RCAN2: variants seen among roughly 807,000 people sequenced by gnomAD.
RCAN2 encodes calcipressin-2.
In RCAN2, 9 loss-of-function variants were observed where a neutral mutation model predicts 23.6. The observed-to-expected ratio is 0.38, with a 90% CI of 0.23 to 0.67. The LOEUF (loss-of-function observed/expected upper bound fraction) is 0.67. Ranked by LOEUF, RCAN2 falls within the 30% of genes least tolerant of loss-of-function variation. The pLI, the probability that RCAN2 is intolerant of heterozygous loss-of-function variation, is 0.51. For missense variants in RCAN2, 273 were observed against 302.3 expected, an observed-to-expected ratio of 0.90 and a Z score of 0.72; for synonymous variants, 109 against 115.7, an observed-to-expected ratio of 0.94 and a Z score of 0.37.
chr6:46,414,407 A>G (rs1766642019), intron 2 of RCAN2, among the ~76,000 whole-genome samples: 1 of 152,242 alleles, frequency 6.6e-6, no homozygotes, highest in Non-Finnish European at 1.5e-5. Context: ...AGGACTTCTT[A>G]GAAGTTGGGT....
chr6:46,451,515 T>C (rs1767883050), intron 2 of RCAN2, among the ~76,000 whole-genome samples: 1 of 152,160 alleles, frequency 6.6e-6, no homozygotes, highest in Admixed American at 6.6e-5. Flanking sequence ...GATAAGAGAT[T>C]GTGGACCGGC....
chr6:46,301,761 A>G (rs1328841419), intron 2 of RCAN2, among the ~76,000 whole-genome samples: 1 of 152,098 alleles, frequency 6.6e-6, no homozygotes, highest in African/African-American at 2.4e-5. Flanking sequence ...AACCAACCAC[A>G]TAGAAAATTA....
intron 2 of RCAN2, among the ~76,000 whole-genome samples, chr6:46,288,925 C>A (rs919355685): frequency 6.6e-6 from 1 of 152,264 alleles, no homozygotes; most frequent in Non-Finnish European, 1.5e-5. Context: ...GATGTAAATG[C>A]AACATCAAGC....
intron 2 of RCAN2, among the ~76,000 whole-genome samples, chr6:46,253,071 A>T (rs935138943): frequency 1.3e-5 from 2 of 152,214 alleles, no homozygotes; most frequent in Non-Finnish European, 2.9e-5. Context: ...TTTAGACAAT[A>T]TTGGTTCCCT....
chr6:46,247,978 A>G (rs1438499883), intron 3 of RCAN2, among the ~76,000 whole-genome samples: 1 of 152,216 alleles, frequency 6.6e-6, no homozygotes, highest in African/African-American at 2.4e-5. Context: ...CAATGATGGA[A>G]TTTGAACATG....
At chr6:46,408,615 G>A (rs1254158232) in intron 2 of RCAN2, among the ~76,000 whole-genome samples, 1 of 152,076 alleles carries the variant, frequency 6.6e-6, no homozygotes, top group Non-Finnish European at 1.5e-5. Flanking sequence ...CACCCAAACG[G>A]AGCAAAGCTG....
At chr6:46,349,880 A>G (rs1764593362) in intron 2 of RCAN2, among the ~76,000 whole-genome samples, 1 of 152,120 alleles carries the variant, frequency 6.6e-6, no homozygotes, top group South Asian at 2.1e-4. Context: ...AAGCCAATCA[A>G]TTCATATCAT....
intron 2 of RCAN2, among the ~76,000 whole-genome samples, chr6:46,317,993 G>A (rs1763495474): frequency 6.6e-6 from 1 of 152,178 alleles, no homozygotes; most frequent in African/African-American, 2.4e-5. Context: ...GTAGTTAGAA[G>A]AATTTTGTGA....
chr6:46,365,416 C>T (rs988409353), intron 2 of RCAN2, among the ~76,000 whole-genome samples: 2 of 149,766 alleles, frequency 1.3e-5, no homozygotes, highest in African/African-American at 2.5e-5. Context: ...GTGGAGTTTG[C>T]GGTGAGCCGA....
chr6:46,288,700 AC>A (rs1762447532), intron 2 of RCAN2, among the ~76,000 whole-genome samples: 1 of 152,234 alleles, frequency 6.6e-6, no homozygotes, highest in Non-Finnish European at 1.5e-5. Flanking sequence ...CCGAAGTATA[AC>A]TTTTGGCCTA....
intron 2 of RCAN2, among the ~76,000 whole-genome samples, chr6:46,372,443 G>A (rs1291049415): frequency 1.3e-5 from 2 of 152,220 alleles, no homozygotes; most frequent in African/African-American, 4.8e-5. Flanking sequence ...TCGCTTGGCA[G>A]CTTGTGCTCT....
intron 2 of RCAN2, among the ~76,000 whole-genome samples, chr6:46,362,442 T>C (rs549085853): frequency 9.9e-5 from 15 of 152,170 alleles, no homozygotes; most frequent in African/African-American, 3.4e-4. Context: ...TATAAGGTAA[T>C]CTACACATTC....
chr6:46,225,108 G>T (rs1025462453), intron 4 of RCAN2, among the ~76,000 whole-genome samples: 1 of 152,142 alleles, frequency 6.6e-6, no homozygotes, highest in Non-Finnish European at 1.5e-5. Context: ...CAAAGGACAT[G>T]AACTCATCCT....
intron 2 of RCAN2, among the ~76,000 whole-genome samples, chr6:46,311,747 C>T (rs1248793540): frequency 6.6e-6 from 1 of 152,184 alleles, no homozygotes; most frequent in East Asian, 1.9e-4. Flanking sequence ...TATTAACTCC[C>T]TCTGGATTGC....
At chr6:46,283,555 G>A (rs1449787611) in intron 2 of RCAN2, among the ~76,000 whole-genome samples, 5 of 152,162 alleles carry the variant, frequency 3.3e-5, no homozygotes, top group African/African-American at 1.2e-4. Flanking sequence ...GGAAGTCAGT[G>A]GCAAGGACAA....
At chr6:46,321,091 C>T (rs1358440657) in intron 2 of RCAN2, among the ~76,000 whole-genome samples, 1 of 152,110 alleles carries the variant, frequency 6.6e-6, no homozygotes, top group Non-Finnish European at 1.5e-5. Flanking sequence ...CTGTACATGG[C>T]TCTCTAAATT....
intron 2 of RCAN2, among the ~76,000 whole-genome samples, chr6:46,438,958 C>T (rs986101745): frequency 3.3e-5 from 5 of 152,134 alleles, no homozygotes; most frequent in African/African-American, 9.7e-5. Context: ...TCTCTGGGTA[C>T]TTATATTGTA....
chr6:46,437,544 T>C (rs892978218), intron 2 of RCAN2, among the ~76,000 whole-genome samples: 1 of 152,250 alleles, frequency 6.6e-6, no homozygotes, highest in Non-Finnish European at 1.5e-5. Flanking sequence ...TCAAACTTTG[T>C]TGTTGTTACA....
intron 2 of RCAN2, among the ~76,000 whole-genome samples, chr6:46,335,812 T>C (rs1019116203): frequency 6.6e-6 from 1 of 152,246 alleles, no homozygotes; most frequent in South Asian, 2.1e-4. Context: ...GTCATATTTA[T>C]TAACTTATGT....
Sources: allele counts gnomAD v4.1 joint callset (sites outside exome capture counted in the v4.1 genomes callset), GRCh38; gene constraint gnomAD v4.1.1; transcripts MANE v1.5; gene names NCBI Gene and HGNC (gene_info 2026-07-23, HGNC 2026-07-21).